Variants in TMEM237 observed in about 807,000 individuals in gnomAD.
TMEM237 encodes transmembrane protein 237.
TMEM237 carries 51 observed loss-of-function variants against 59.1 expected under a neutral mutation model. That is an observed-to-expected ratio of 0.86 (90% CI 0.69 to 1.09). TMEM237 has a LOEUF of 1.09. Ranked by LOEUF, TMEM237 falls within the 50% of genes least tolerant of loss-of-function variation. The pLI, the probability that TMEM237 is intolerant of heterozygous loss-of-function variation, is 0.00. For missense variants in TMEM237, 475 were observed against 478.3 expected (o/e 0.99, Z 0.06); for synonymous variants, 140 against 166.1 (o/e 0.84, Z 1.21).
rs545570415 is a variant in TMEM237, at chr2:201,620,639, C to T, written c.*3616G>A. On this transcript the variant is annotated 3_prime_UTR_variant, in exon 13 of 13. Transcript: ENST00000409883. ...AATAACAAGGATGTTGCCAGTTGGACATTGGACAGGGAGTTGCTGGGCAAA... is the reference window on the plus strand; with the variant it reads ...AATAACAAGGATGTTGCCAGTTGGATATTGGACAGGGAGTTGCTGGGCAAA... 4 of 152,302 alleles carry T rather than the reference C, an allele frequency of 2.6e-5. No individual in the cohort carries two copies. The South Asian group carries it at 6.2e-4, about 24-fold the overall frequency. 9.4% of individuals were successfully genotyped at this position (152,302 alleles called of 1,614,324 possible).
rs745640119 is a variant in TMEM237 at position 201,632,250 on chromosome 2, A to AT, written c.396-43dup. The AT allele has an allele frequency of 3.7e-6, 6 of 1,604,506 alleles. No homozygotes were observed. In the East Asian group the frequency reaches 6.7e-5, roughly 18 times the overall value. On this transcript the variant is annotated intron_variant, in intron 6 of 12. Transcript: ENST00000409883. ...TGTATGAAAAATAGATGATTATTGA[A>AT]TTTTTTACAGACTTACATAAGGAAC...
chr2:201,632,813 C>T (rs1435593632), intron 6 of TMEM237, among the ~76,000 whole-genome samples: 1 of 152,160 alleles, frequency 6.6e-6, no homozygotes, highest in Non-Finnish European at 1.5e-5. Context: ...AGACATTGAT[C>T]ACTATTTGTA....
In TMEM237 at chr2:201,643,289, C is replaced by T; in HGVS notation, c.42+70G>A. The T allele has an allele frequency of 1.4e-6, 2 of 1,433,670 alleles. No individual in the cohort carries two copies. The highest frequency in any genetic ancestry group is 1.2e-5 in the South Asian group (1 of 80,458). The allele number at this position is 1,433,670 out of a possible 1,614,324, so 88.8% of individuals were successfully genotyped here. A position where few individuals can be genotyped will look rare whatever the true frequency, so the allele number is the denominator to read the frequency against. On this transcript the variant is annotated intron_variant, in intron 1 of 12. Coordinates refer to ENST00000409883, the MANE Select transcript of TMEM237 (RefSeq NM_001044385.3). This position sits in a 1 kb window ranked among gnomAD's most constrained non-coding sequence, Gnocchi z 4.3. ...GCTCGTTGGCGCCCCCCCACACACA[C>T]CCACCCCCACTGCCAAGTGTAGCTG...
At chr2:201,634,063 G>A (rs1239587394) in intron 5 of TMEM237, among the ~76,000 whole-genome samples, 2 of 152,208 alleles carry the variant, frequency 1.3e-5, no homozygotes, top group Non-Finnish European at 2.9e-5. Context: ...CAAATGCACC[G>A]TGAGTCACCT....
intron 1 of TMEM237, among the ~76,000 whole-genome samples, chr2:201,642,446 C>A (rs1368114302): frequency 2.0e-5 from 3 of 152,150 alleles, no homozygotes; most frequent in African/African-American, 7.2e-5. Context: ...TGCTACGAAG[C>A]GCGCGCGATC....
At chr2:201,639,330 T>C (rs568244493) in intron 3 of TMEM237, among the ~76,000 whole-genome samples, 3 of 152,292 alleles carry the variant, frequency 2.0e-5, no homozygotes, top group African/African-American at 4.8e-5. Flanking sequence ...TCCTTGCACA[T>C]AGGTGTAGTC....
rs753552611 is a variant in TMEM237 at position 201,629,309 on chromosome 2, G to T, written c.790C>A (p.Gln264Lys). 8.1e-6 allele frequency: 13 copies of T among 1,611,410 alleles called. No homozygotes were observed. The highest frequency in any genetic ancestry group is 1.6e-4 in the Middle Eastern group (1 of 6,072). Residue 264 changes from glutamine to lysine, a missense_variant, in exon 9 of 13, where the codon CAA becomes AAA. Gln to Lys is a moderately conservative substitution (Grantham distance 53). Transcript: ENST00000409883. Reference sequence around the variant, plus strand: ...AATGGATACGCTAGGGTCTTGTATTGTTGCAGAAGGTTTGAGAGGTTGGAT... The same window carrying T: ...AATGGATACGCTAGGGTCTTGTATTTTTGCAGAAGGTTTGAGAGGTTGGAT... Reference protein sequence around the residue: ...QLSNLSNLLQQYKTLAYPFQS... With the variant: ...QLSNLSNLLQKYKTLAYPFQS...
At position 201,629,098 on chromosome 2, in the gene TMEM237, C is replaced by T. The variant is rs536336417; in HGVS notation, c.869+132G>A. 1.6e-4 allele frequency: 96 copies of T among 597,576 alleles called. No homozygotes were observed. The African/African-American group carries it at 1.8e-3, about 11-fold the overall frequency. 37.0% of individuals were successfully genotyped at this position (597,576 alleles called of 1,614,324 possible). On this transcript the variant is annotated intron_variant, in intron 9 of 12. Transcript: ENST00000409883. ...CCCCTCAAAAAAGAACAGAAGTAGA[C>T]TGGCCTTAAAACTTTTTGAAGTAAC... is the stretch of plus-strand genomic sequence containing the variant.
In TMEM237 at chr2:201,627,325, G is replaced by C. The variant is rs1957768252; in HGVS notation, c.1033C>G (p.Leu345Val). 6.2e-7 allele frequency: 1 copy of C among 1,602,708 alleles called. No individual in the cohort carries two copies. The highest frequency in any genetic ancestry group is 2.2e-5 in the East Asian group (1 of 44,668). ...AATGTCATTGTGAATTCTTACCAGA[G>C]GCTACCATTAACAGAAGAAGGTGTG... ...LYTPSSVNGS[L>V]WEAGIEEQIL... The change falls in exon 11 of 13, where the codon CTC becomes GTC. Residue 345 changes from leucine (L) to valine (V), a missense_variant. Coordinates refer to ENST00000409883, the MANE Select transcript of TMEM237 (RefSeq NM_001044385.3).
rs1957794124 is a variant in TMEM237 at position 201,629,868 on chromosome 2, G to A, written c.554-16C>T. On this transcript the variant is annotated splice_polypyrimidine_tract_variant and intron_variant, in intron 7 of 12. Coordinates refer to ENST00000409883, the MANE Select transcript of TMEM237 (RefSeq NM_001044385.3). Reference sequence around the variant, plus strand: ...TGGAATCTCCCTAAGAACACATAACGTAATTACTAACAACTAGCGAGAGAG... The same window carrying A: ...TGGAATCTCCCTAAGAACACATAACATAATTACTAACAACTAGCGAGAGAG... The A allele has an allele frequency of 2.5e-6, 4 of 1,604,656 alleles. No individual in the cohort carries two copies. The highest frequency in any genetic ancestry group is 3.4e-6 in the Non-Finnish European group (4 of 1,177,580).
chr2:201,625,833 GC>G (rs1249826020), intron 12 of TMEM237, among the ~76,000 whole-genome samples, 192 bp downstream of exon 12: 1 of 152,066 alleles, frequency 6.6e-6, no homozygotes, highest in Non-Finnish European at 1.5e-5. Context: ...CCAGACTCAA[GC>G]CCTCCTAGAC....
At chr2:201,636,984 A>C in intron 4 of TMEM237, 99 bp from the exon 5 acceptor site, 1 of 1,213,482 alleles carries the variant, frequency 8.2e-7, no homozygotes, top group South Asian at 1.6e-5. Flanking sequence ...TTTCCTATAG[A>C]ATAACCCCAT....
chr2:201,628,325 G>A (rs1957778007), intron 9 of TMEM237, among the ~76,000 whole-genome samples, 176 bp from the exon 10 acceptor site: 1 of 152,082 alleles, frequency 6.6e-6, no homozygotes, highest in South Asian at 2.1e-4. Context: ...ATTTACAAAG[G>A]CCACATAAAA....
chr2:201,636,767 T>C lies in TMEM237; in HGVS notation c.255A>G (p.Lys85=). Residue 85 remains lysine, a synonymous_variant, in exon 5 of 13, where the codon AAA becomes AAG. Transcript: ENST00000409883. ...ACATACCAAGAGGTAGCCTTGTCTT[T>C]TTCTGTCTTCTTTGAACAGGAGCCT... The part of the protein sequence containing the change: ...HPEAPVQRRQ[K]KTRLPLELET... The C allele has an allele frequency of 6.3e-7, 1 of 1,578,278 alleles. No homozygotes were observed. The highest frequency in any genetic ancestry group is 8.6e-7 in the Non-Finnish European group (1 of 1,160,798).
At position 201,624,225 on chromosome 2, in the gene TMEM237, G is replaced by C. The variant is rs1467913257; in HGVS notation, c.*30C>G. The C allele has an allele frequency of 1.3e-6, 2 of 1,564,794 alleles. No homozygotes were observed. Among genetic ancestry groups the C allele is most frequent in the Non-Finnish European group, 1.8e-6 (2 of 1,139,074 alleles). Reference sequence around the variant, plus strand: ...AAAAACAAAAATGGGACAAATACTGGGTCATTATTCCTCCAAAGGTGAGCT... The same window carrying C: ...AAAAACAAAAATGGGACAAATACTGCGTCATTATTCCTCCAAAGGTGAGCT... On this transcript the variant is annotated 3_prime_UTR_variant, in exon 13 of 13. Coordinates refer to ENST00000409883, the MANE Select transcript of TMEM237 (RefSeq NM_001044385.3).
At chr2:201,630,785 C>T (rs1957800880) in intron 7 of TMEM237, among the ~76,000 whole-genome samples, 1 of 152,166 alleles carries the variant, frequency 6.6e-6, no homozygotes, top group Admixed American at 6.6e-5. Flanking sequence ...AACCACAGTT[C>T]AAGTCCCAGT....
intron 6 of TMEM237, 61 bp from the exon 7 acceptor site, chr2:201,632,269 A>G: frequency 6.4e-7 from 1 of 1,572,506 alleles, no homozygotes. Context: ...AGACTTACAT[A>G]AGGAACTAGC....
rs745418350 is a variant in TMEM237 at position 201,627,432 on chromosome 2, G to T, written c.944-18C>A. The T allele has an allele frequency of 6.8e-7, 1 of 1,479,132 alleles. No individual in the cohort carries two copies. Among genetic ancestry groups the T allele is most frequent in the Non-Finnish European group, 9.2e-7 (1 of 1,085,940 alleles). The allele number at this position is 1,479,132 out of a possible 1,614,324, so 91.6% of individuals were successfully genotyped here. A position where few individuals can be genotyped will look rare whatever the true frequency, so the allele number is the denominator to read the frequency against. ...AAAGTACACTGAGAAAAAGACAAAT[G>T]AAATTACTAATAATTTTTAACAACC... On this transcript the variant is annotated intron_variant, in intron 10 of 12. Coordinates refer to ENST00000409883, the MANE Select transcript of TMEM237 (RefSeq NM_001044385.3).
chr2:201,640,755 A>C (rs1687396568), intron 2 of TMEM237, 138 bp downstream of exon 2: 1 of 696,140 alleles, frequency 1.4e-6, no homozygotes. Context: ...TCACCTTTAA[A>C]ATTTCAGAAA....
Sources: gnomAD v4.1 joint callset for allele counts (sites outside exome capture counted in the v4.1 genomes callset) on GRCh38, gnomAD v4.1.1 for gene constraint, Gnocchi (gnomAD v3.1) non-coding constraint, MANE v1.5 for transcripts, NCBI Gene and HGNC (gene_info 2026-07-23, HGNC 2026-07-21) for gene names.